Variants in KCNJ10 observed in about 807,000 individuals in gnomAD.
KCNJ10 encodes the protein potassium inwardly rectifying channel subfamily J member 10, also known as ATP-sensitive inward rectifier potassium channel 10.
KCNJ10 carries 9 observed loss-of-function variants against 22.2 expected under a neutral mutation model. The observed-to-expected ratio is 0.40, with a 90% CI of 0.24 to 0.71. The LOEUF (loss-of-function observed/expected upper bound fraction) is 0.71. KCNJ10 is among the 30% of genes least tolerant of loss of function. The probability of loss-of-function intolerance (pLI) is 0.35; values close to 1 mark genes in which losing one functional copy is unlikely to be tolerated. For missense variants in KCNJ10, 337 were observed against 482.7 expected, an observed-to-expected ratio of 0.70 and a Z score of 2.83; for synonymous variants, 184 against 187.3, an observed-to-expected ratio of 0.98 and a Z score of 0.15.
intron 1 of KCNJ10, among the ~76,000 whole-genome samples, chr1:160,050,044 G>A (rs1413351915): frequency 6.6e-6 from 1 of 151,818 alleles, no homozygotes. Flanking sequence ...AACACTAATA[G>A]GTATGCAAAC....
chr1:160,041,154 C>G lies in KCNJ10; in HGVS notation c.*239G>C, dbSNP rs971753248. 5 of 570,400 alleles carry G rather than the reference C, an allele frequency of 8.8e-6. No individual in the cohort carries two copies. The Admixed American group carries it at 9.1e-5, about 10-fold the overall frequency. 35.3% of individuals were successfully genotyped at this position (570,400 alleles called of 1,614,324 possible). On this transcript the variant is annotated 3_prime_UTR_variant, in exon 2 of 2. Coordinates refer to ENST00000644903, the MANE Select transcript of KCNJ10 (RefSeq NM_002241.5). The surrounding 1 kb of genome is among the most constrained non-coding windows in gnomAD (Gnocchi z 4.4). ...TTCAGCCTAATCCCACTCTTTCCCCCATCCTGGCTTAAGGGAGGTATGTGT... is the reference window on the plus strand; with the variant it reads ...TTCAGCCTAATCCCACTCTTTCCCCGATCCTGGCTTAAGGGAGGTATGTGT...
chr1:160,037,846 G>T lies in KCNJ10; in HGVS notation c.*3547C>A, dbSNP rs1648511781. 1 of 152,674 alleles carries T rather than the reference G, an allele frequency of 6.5e-6. No individual in the cohort carries two copies. The highest frequency in any genetic ancestry group is 2.1e-4 in the South Asian group (1 of 4,838). 9.5% of individuals were successfully genotyped at this position (152,674 alleles called of 1,614,324 possible). ...TGGATGATTTTATTAGGCTGACAGG[G>T]GTTGGGGGAATAATGGGGTGAAGCA... On this transcript the variant is annotated 3_prime_UTR_variant, in exon 2 of 2. Transcript: ENST00000644903.
intron 1 of KCNJ10, chr1:160,064,588 C>T (rs928249741): frequency 6.6e-6 from 1 of 152,198 alleles, no homozygotes; most frequent in African/African-American, 2.4e-5. Flanking sequence ...ATAGATAGAA[C>T]CCACACAAAC....
intron 1 of KCNJ10, among the ~76,000 whole-genome samples, chr1:160,058,993 C>G (rs1227050439): frequency 6.6e-6 from 1 of 152,240 alleles, no homozygotes; most frequent in Non-Finnish European, 1.5e-5. Flanking sequence ...TGTGTTCCCA[C>G]AGTACCATGA....
chr1:160,042,243 A>T lies in KCNJ10; in HGVS notation c.290T>A (p.Leu97Gln), dbSNP rs1401791648. 3.1e-6 allele frequency: 5 copies of T among 1,613,966 alleles called. No homozygotes were observed. In the African/African-American group the frequency reaches 6.7e-5, roughly 22 times the overall value. ...YLVAVAHGDLLELDPPANHTP... is the reference protein window; with the variant it reads ...YLVAVAHGDLQELDPPANHTP... ...GTGGTTGGCCGGGGGGTCCAGCTCCAGCAGGTCCCCATGTGCCACAGCTAC... is the reference window on the plus strand; with the variant it reads ...GTGGTTGGCCGGGGGGTCCAGCTCCTGCAGGTCCCCATGTGCCACAGCTAC... The change falls in exon 2 of 2, where the codon CTG (leucine) becomes CAG (glutamine). Residue 97 changes from leucine to glutamine, a missense_variant. Physicochemically the swap from Leu to Gln is moderately radical, Grantham distance 113. This residue lies in a region of KCNJ10 where 107 missense variants were observed against 135.2 expected (regional missense o/e 0.79). Transcript: ENST00000644903.
At position 160,042,020 on chromosome 1, in the gene KCNJ10, C is replaced by A; in HGVS notation, c.513G>T (p.Arg171=). The A allele has an allele frequency of 6.4e-7, 1 of 1,564,910 alleles. No individual in the cohort carries two copies. Among genetic ancestry groups the A allele is most frequent in the Non-Finnish European group, 8.7e-7 (1 of 1,154,182 alleles). ...GAATGGTCTCAGCCCGCTTCTTGGG[C>A]CGGGCAATCTTCGCCAGGAAGGTAC... ...ITGTFLAKIA[R]PKKRAETIRF... is the part of the protein sequence containing the mutation. Residue 171 remains arginine (R), a synonymous_variant, in exon 2 of 2, where the codon CGG becomes CGT. Transcript: ENST00000644903.
At chr1:160,053,818 A>G (rs1332926341) in intron 1 of KCNJ10, among the ~76,000 whole-genome samples, 1 of 152,200 alleles carries the variant, frequency 6.6e-6, no homozygotes, top group Non-Finnish European at 1.5e-5. Context: ...AAAAGAAAGG[A>G]TAAAAGCCTT....
intron 1 of KCNJ10, among the ~76,000 whole-genome samples, chr1:160,064,279 A>G (rs759719681): frequency 6.6e-6 from 1 of 152,158 alleles, no homozygotes; most frequent in Non-Finnish European, 1.5e-5. Context: ...CTAACAATAC[A>G]TTATTTGCCC....
chr1:160,056,955 A>G (rs950692511), intron 1 of KCNJ10, among the ~76,000 whole-genome samples: 5 of 152,064 alleles, frequency 3.3e-5, no homozygotes, highest in African/African-American at 4.8e-5. Context: ...AATGAAACCT[A>G]TTTCTTATCC....
chr1:160,068,457 C>T (rs1349345605), intron 1 of KCNJ10, among the ~76,000 whole-genome samples: 1 of 152,122 alleles, frequency 6.6e-6, no homozygotes, highest in Non-Finnish European at 1.5e-5. Context: ...CCCCCCAACA[C>T]CCTCTCCCTC....
intron 1 of KCNJ10, among the ~76,000 whole-genome samples, chr1:160,059,418 C>G (rs972617333): frequency 1.3e-5 from 2 of 152,186 alleles, no homozygotes; most frequent in African/African-American, 4.8e-5. Context: ...TGGTCTTCTT[C>G]TTCATCTCAA....
At chr1:160,048,346 A>C (rs777714323) in intron 1 of KCNJ10, among the ~76,000 whole-genome samples, 1 of 150,832 alleles carries the variant, frequency 6.6e-6, no homozygotes, top group Admixed American at 6.6e-5. Context: ...CTGTTTTCAG[A>C]AGGTAAGAAA....
chr1:160,055,861 A>G (rs929050637), intron 1 of KCNJ10, among the ~76,000 whole-genome samples: 5 of 151,974 alleles, frequency 3.3e-5, no homozygotes, highest in Non-Finnish European at 5.9e-5. Flanking sequence ...ATCTTCCTCA[A>G]CTGTTTCCCC....
At chr1:160,060,731 C>T (rs72704730) in intron 1 of KCNJ10, among the ~76,000 whole-genome samples, 12,446 of 152,246 alleles carry the variant, frequency 0.082, 670 homozygotes, top group East Asian at 0.18. Context: ...CTTTTTAGGG[C>T]ATCTGCTCCC....
rs776212962 is a variant in KCNJ10 at position 160,042,336 on chromosome 1, T to C, written c.197A>G (p.Tyr66Cys). The change falls in exon 2 of 2, where the codon TAC becomes TGC. Residue 66 changes from tyrosine (Y) to cysteine (C), a missense_variant. Tyr to Cys is a radical substitution (Grantham distance 194, BLOSUM62 -2). Transcript: ENST00000644903. Reference sequence around the variant, plus strand: ...GGTCGCAGAGAAGAGCAGAAGCTTGTAGCGCCACTGCATGTCAATGAAGGT... The same window carrying C: ...GGTCGCAGAGAAGAGCAGAAGCTTGCAGCGCCACTGCATGTCAATGAAGGT... ...WTTFIDMQWR[Y>C]KLLLFSATFA... is the part of the protein sequence containing the mutation. 2 of 1,613,174 alleles carry C rather than the reference T, an allele frequency of 1.2e-6. No homozygotes were observed. The highest frequency in any genetic ancestry group is 1.7e-6 in the Non-Finnish European group (2 of 1,179,134).
chr1:160,061,191 CA>C (rs1649181827), intron 1 of KCNJ10, among the ~76,000 whole-genome samples: 1 of 151,960 alleles, frequency 6.6e-6, no homozygotes, highest in South Asian at 2.1e-4. Flanking sequence ...TGAGTGAAAC[CA>C]AGAGACAAAT....
chr1:160,063,769 T>C (rs1649254850), intron 1 of KCNJ10, among the ~76,000 whole-genome samples: 2 of 152,204 alleles, frequency 1.3e-5, no homozygotes, highest in African/African-American at 4.8e-5. Context: ...GCCGAGCTCC[T>C]ATGTGTAGCA....
At position 160,042,023 on chromosome 1, in the gene KCNJ10, G is replaced by A. The variant is rs2101924922; in HGVS notation, c.510C>T (p.Ala170=). The change falls in exon 2 of 2, where the codon GCC becomes GCT. Residue 170 remains alanine (A), a synonymous_variant. Coordinates refer to ENST00000644903, the MANE Select transcript of KCNJ10 (RefSeq NM_002241.5). ...TGGTCTCAGCCCGCTTCTTGGGCCG[G>A]GCAATCTTCGCCAGGAAGGTACCTG... ...FITGTFLAKI[A]RPKKRAETIR... is the part of the protein sequence containing the mutation. 1 of 1,563,186 alleles carries A rather than the reference G, an allele frequency of 6.4e-7. No homozygotes were observed. Among genetic ancestry groups the A allele is most frequent in the Non-Finnish European group, 8.7e-7 (1 of 1,153,462 alleles).
Position 160,037,984 on chromosome 1 carries a change from T to C in KCNJ10, c.*3409A>G, listed in dbSNP as rs912074288. On this transcript the variant is annotated 3_prime_UTR_variant, in exon 2 of 2. Transcript: ENST00000644903. ...ATCAAAACCAAAGCATCACCCTCCA[T>C]GCCCAAATGCCAGGATTGGAACTCT... is the stretch of plus-strand genomic sequence containing the variant. The C allele has an allele frequency of 1.3e-5, 2 of 152,304 alleles. No individual in the cohort carries two copies. Among genetic ancestry groups the C allele is most frequent in the Non-Finnish European group, 2.9e-5 (2 of 68,074 alleles). The allele number at this position is 152,304 out of a possible 1,614,324, so 9.4% of individuals were successfully genotyped here.
Sources: allele counts gnomAD v4.1 joint callset (sites outside exome capture counted in the v4.1 genomes callset), GRCh38; gene constraint gnomAD v4.1.1; regional missense constraint gnomAD v4.1.1; non-coding constraint Gnocchi (gnomAD v3.1); transcripts MANE v1.5; gene names NCBI Gene and HGNC (gene_info 2026-07-23, HGNC 2026-07-21).